Variants in AGO2 observed in about 807,000 individuals in gnomAD.
AGO2 encodes the protein argonaute RISC catalytic component 2.
AGO2 carries 5 observed loss-of-function variants against 102.3 expected under a neutral mutation model. The ratio of observed to expected loss-of-function variants is 0.05; its 90% confidence interval spans 0.03 to 0.10. The LOEUF (loss-of-function observed/expected upper bound fraction) is 0.10, where lower values mean the gene tolerates loss of function less well. Ranked by LOEUF, AGO2 falls within the 10% of genes least tolerant of loss-of-function variation. The pLI is 1.00. For missense variants in AGO2, 541 were observed against 1,183.7 expected, an observed-to-expected ratio of 0.46 and a Z score of 7.97; for synonymous variants, 449 against 473.1, an observed-to-expected ratio of 0.95 and a Z score of 0.66.
chr8:140,556,141 C>T (rs1564084206), intron 9 of AGO2, 26 bp downstream of exon 9: 1 of 1,613,722 alleles, frequency 6.2e-7, no homozygotes, highest in Admixed American at 1.7e-5. Flanking sequence ...TTCCACAGGG[C>T]AGCCCTGCCC....
At chr8:140,592,995 G>C (rs1305159177) in intron 1 of AGO2, 1 of 152,270 alleles carries the variant, frequency 6.6e-6, no homozygotes, top group Non-Finnish European at 1.5e-5. Flanking sequence ...GTGATTTCCA[G>C]TTTGCCCCTC....
chr8:140,617,654 C>T (rs937774762), intron 1 of AGO2, among the ~76,000 whole-genome samples: 4 of 152,162 alleles, frequency 2.6e-5, no homozygotes, highest in African/African-American at 7.2e-5. Flanking sequence ...CACAGCCACC[C>T]GTGGGCGTGA....
chr8:140,585,376 C>T (rs1157461999), intron 1 of AGO2, 65 bp from the exon 2 acceptor site: 16 of 1,537,748 alleles, frequency 1.0e-5, no homozygotes, highest in African/African-American at 2.7e-5. Context: ...CTTCCCATCC[C>T]GCGGCCCCAA....
In AGO2 at chr8:140,567,890, C is replaced by T. The variant is rs368759448; in HGVS notation, c.336+4922G>A. 1.3e-5 allele frequency among the ~76,000 whole-genome samples: 2 copies of T among 152,188 alleles called. No homozygotes were observed. The highest frequency in any genetic ancestry group is 1.9e-4 in the East Asian group (1 of 5,166). On this transcript the variant is annotated intron_variant, in intron 3 of 18. Transcript: ENST00000220592. The surrounding 1 kb of genome is among the most constrained non-coding windows in gnomAD (Gnocchi z 5.0). ...CTGTAATCCCAGTACCGTGGGAGGC[C>T]GAGGCGGGCTGGATCGCTTGAGCTC...
At chr8:140,604,238 G>C (rs1000722512) in intron 1 of AGO2, among the ~76,000 whole-genome samples, 1 of 152,216 alleles carries the variant, frequency 6.6e-6, no homozygotes, top group African/African-American at 2.4e-5. Flanking sequence ...CTGTCGGAAA[G>C]TTAGAAGCAC....
intron 3 of AGO2, among the ~76,000 whole-genome samples, chr8:140,570,670 A>T (rs1454451569): frequency 6.6e-6 from 1 of 152,138 alleles, no homozygotes; most frequent in Admixed American, 6.5e-5. Flanking sequence ...TGCTCACTGA[A>T]GTCTCACAAA....
In AGO2 at chr8:140,539,858, T is replaced by G. The variant is rs1167123564; in HGVS notation, c.2035-404A>C. ...AATCCCAGGACTTTGGGAGGCCGAG[T>G]TGGGCGGATCACAAGATCAAGAGAT... On this transcript the variant is annotated intron_variant, in intron 15 of 18. Coordinates refer to ENST00000220592, the MANE Select transcript of AGO2 (RefSeq NM_012154.5). The surrounding 1 kb of genome is among the most constrained non-coding windows in gnomAD (Gnocchi z 4.7). 6.6e-6 allele frequency among the ~76,000 whole-genome samples: 1 copy of G among 151,940 alleles called. No individual in the cohort carries two copies. The highest frequency in any genetic ancestry group is 1.5e-5 in the Non-Finnish European group (1 of 67,968).
chr8:140,606,353 C>T (rs1048688384), intron 1 of AGO2, among the ~76,000 whole-genome samples: 1 of 152,226 alleles, frequency 6.6e-6, no homozygotes, highest in Non-Finnish European at 1.5e-5. Flanking sequence ...ACACTGTTGG[C>T]AGTTCTTGGA....
chr8:140,617,670 TC>T lies in AGO2; in HGVS notation c.22+17814del, dbSNP rs759648595. Among the ~76,000 whole-genome samples the T allele has an allele frequency of 3.5e-4, 53 of 152,328 alleles. 1 individual carries two copies. Among genetic ancestry groups the T allele is most frequent in the Admixed American group, 1.9e-3 (29 of 15,298 alleles). ...ACAGCCACCCGTGGGCGTGACCCTG[TC>T]CCACAGGAGCCCACCCTCTGATCTG... is the stretch of plus-strand genomic sequence containing the variant. On this transcript the variant is annotated intron_variant, in intron 1 of 18. Coordinates refer to ENST00000220592, the MANE Select transcript of AGO2 (RefSeq NM_012154.5).
intron 2 of AGO2, among the ~76,000 whole-genome samples, chr8:140,574,749 G>A (rs1281721766): frequency 6.6e-6 from 1 of 152,174 alleles, no homozygotes; most frequent in African/African-American, 2.4e-5. Context: ...CAGCTCAGGG[G>A]ATGTGGTAAA....
At position 140,540,165 on chromosome 8, in the gene AGO2, G is replaced by A. The variant is rs944243326; in HGVS notation, c.2035-711C>T. Among the ~76,000 whole-genome samples, 2 of 152,142 alleles carry A rather than the reference G, an allele frequency of 1.3e-5. No individual in the cohort carries two copies. Among genetic ancestry groups the A allele is most frequent in the South Asian group, 2.1e-4 (1 of 4,826 alleles). On this transcript the variant is annotated intron_variant, in intron 15 of 18. Transcript: ENST00000220592. This position sits in a 1 kb window ranked among gnomAD's most constrained non-coding sequence, Gnocchi z 5.0. The stretch of plus-strand genomic sequence containing the variant: ...CAGGCAGGCTCCAGCCAGAAGTGCT[G>A]GCCGGTCAAGGTGTATCCATTCTGT...
chr8:140,615,047 GTCC>G (rs2074123340), intron 1 of AGO2, among the ~76,000 whole-genome samples: 1 of 152,140 alleles, frequency 6.6e-6, no homozygotes, highest in African/African-American at 2.4e-5. Context: ...TGTTTTATGA[GTCC>G]TGATTTGCCA....
Position 140,635,540 on chromosome 8 carries a change from G to A in AGO2, c.-34C>T, listed in dbSNP as rs1485638065. The A allele has an allele frequency of 6.1e-6, 6 of 978,776 alleles. No individual in the cohort carries two copies. Among genetic ancestry groups the A allele is most frequent in the Non-Finnish European group, 7.3e-6 (6 of 827,068 alleles). 60.6% of individuals were successfully genotyped at this position (978,776 alleles called of 1,614,324 possible). A position where few individuals can be genotyped will look rare whatever the true frequency, so the allele number is the denominator to read the frequency against. On this transcript the variant is annotated 5_prime_UTR_variant, in exon 1 of 19. Coordinates refer to ENST00000220592, the MANE Select transcript of AGO2 (RefSeq NM_012154.5). ...CGCCGAGGGGCTCCGGGGCCGAGGG[G>A]CGGCCGCGCGCGCGCCACGGGCCCC...
chr8:140,564,171 G>A (rs1318370695), intron 3 of AGO2, among the ~76,000 whole-genome samples: 1 of 152,230 alleles, frequency 6.6e-6, no homozygotes, highest in African/African-American at 2.4e-5. Flanking sequence ...AGCCACAGAA[G>A]GGCGCCGCAG....
intron 1 of AGO2, among the ~76,000 whole-genome samples, chr8:140,597,500 C>A (rs2073866287): frequency 1.4e-5 from 2 of 147,990 alleles, no homozygotes; most frequent in African/African-American, 2.5e-5. Flanking sequence ...CCCAGGCCTC[C>A]CTGCCTGAGT....
chr8:140,562,372 T>G (rs2073215966), intron 4 of AGO2, 81 bp downstream of exon 4: 1 of 1,499,926 alleles, frequency 6.7e-7, no homozygotes, highest in Non-Finnish European at 8.9e-7. Flanking sequence ...GAGCCGTTCC[T>G]CGGACAGATT....
Position 140,535,344 on chromosome 8 carries a change from G to A in AGO2, c.2271+124C>T, listed in dbSNP as rs533022529. ...ACAGCCTGGGCTCCCCGGTTCCCTG[G>A]TACTGCCTGTGTGGGCCCCTCACAC... On this transcript the variant is annotated intron_variant, in intron 17 of 18. Transcript: ENST00000220592. 7.9e-4 allele frequency: 804 copies of A among 1,019,984 alleles called. 3 individuals carry two copies. Among genetic ancestry groups the A allele is most frequent in the Non-Finnish European group, 1.1e-3 (710 of 666,912 alleles). The allele number at this position is 1,019,984 out of a possible 1,614,324, so 63.2% of individuals were successfully genotyped here.
At chr8:140,556,052 G>C (rs753002629) in intron 9 of AGO2, 34 bp from the exon 10 acceptor site, 3 of 1,612,676 alleles carry the variant, frequency 1.9e-6, no homozygotes, top group Non-Finnish European at 2.5e-6. Flanking sequence ...GCACGGAGTG[G>C]GTGGAGGCCT....
chr8:140,619,873 A>G (rs2074195302), intron 1 of AGO2, among the ~76,000 whole-genome samples: 1 of 152,312 alleles, frequency 6.6e-6, no homozygotes. Flanking sequence ...GTATGATCCC[A>G]TGGTTTTTAA....
Sources: gnomAD v4.1 joint callset for allele counts (sites outside exome capture counted in the v4.1 genomes callset) on GRCh38, gnomAD v4.1.1 for gene constraint, Gnocchi (gnomAD v3.1) non-coding constraint, MANE v1.5 for transcripts, NCBI Gene and HGNC (gene_info 2026-07-23, HGNC 2026-07-21) for gene names.